Variants in PLS3 observed in about 807,000 individuals in gnomAD.
PLS3 encodes plastin-3.
PLS3 carries 11 observed loss-of-function variants against 46.5 expected under a neutral mutation model. The ratio of observed to expected loss-of-function variants is 0.24; its 90% confidence interval spans 0.15 to 0.39. The LOEUF (loss-of-function observed/expected upper bound fraction) is 0.39. PLS3 is among the 10% of genes least tolerant of loss of function. The pLI is 1.00. For missense variants in PLS3, 308 were observed against 461.8 expected (o/e 0.67, Z 3.05); for synonymous variants, 167 against 162.2 (o/e 1.03, Z -0.22).
intron 10 of PLS3, among the ~76,000 whole-genome samples, chrX:115,644,227 T>A (rs1321231724): frequency 9.0e-6 from 1 of 110,965 alleles, no homozygotes; most frequent in Non-Finnish European, 1.9e-5. Context: ...TAATATATAC[T>A]AATTTTTTTT....
At chrX:115,626,457 T>C (rs146705245) in intron 3 of PLS3, among the ~76,000 whole-genome samples, 1,748 of 109,449 alleles carry the variant, frequency 0.016, 37 homozygotes, top group African/African-American at 0.056. Flanking sequence ...GCTAATTTTG[T>C]GTTTTTAGTA....
intron 3 of PLS3, among the ~76,000 whole-genome samples, chrX:115,623,661 T>C (rs370452628): frequency 2.7e-5 from 3 of 112,030 alleles, no homozygotes; most frequent in South Asian, 7.4e-4. Flanking sequence ...AGGGATTCCT[T>C]TCAGTATATC....
intron 5 of PLS3, among the ~76,000 whole-genome samples, chrX:115,631,318 G>A (rs896873015): frequency 4.3e-4 from 47 of 109,266 alleles, no homozygotes; most frequent in African/African-American, 1.5e-3. Flanking sequence ...TGATCTGCCC[G>A]CCTCGGCCTC....
rs184458748 is a variant in PLS3, at chrX:115,620,894, A to T, written c.74-1352A>T. Among the ~76,000 whole-genome samples the T allele has an allele frequency of 6.2e-3, 670 of 107,445 alleles. 5 individuals are homozygous for T. Among genetic ancestry groups the T allele is most frequent in the African/African-American group, 0.022 (642 of 29,686 alleles). 93.3% of individuals were successfully genotyped at this position (107,445 alleles called of 115,157 possible). On this transcript the variant is annotated intron_variant, in intron 2 of 15. Coordinates refer to ENST00000355899, the MANE Select transcript of PLS3 (RefSeq NM_005032.7). ...TTTTTAGTGAAGACGGGGTTTTGCC[A>T]TATGGGCCAGGCTGATCTCGAACTC...
chrX:115,635,731 T>G (rs782629923), intron 7 of PLS3, among the ~76,000 whole-genome samples: 6 of 107,725 alleles, frequency 5.6e-5, no homozygotes, highest in Non-Finnish European at 1.2e-4. Flanking sequence ...GGACCATGCC[T>G]GTAATCCCAG....
intron 4 of PLS3, among the ~76,000 whole-genome samples, chrX:115,629,634 C>T (rs782587442): frequency 2.8e-4 from 31 of 111,477 alleles, no homozygotes; most frequent in African/African-American, 8.8e-4. Flanking sequence ...GACTGGTTAA[C>T]GTGTTCTATT....
chrX:115,620,706 C>CTTTTTTTTTTTTTTTTTTTTTT (rs1176959674), intron 2 of PLS3, among the ~76,000 whole-genome samples: 18 of 54,732 alleles, frequency 3.3e-4, no homozygotes, highest in African/African-American at 7.2e-4. Context: ...TTTTTCTTTT[C>CTTTTTTTTTTTTTTTTTTTTTT]TTTTTTTTTT....
At chrX:115,563,787 C>T (rs960217264) in intron 1 of PLS3, among the ~76,000 whole-genome samples, 6 of 111,829 alleles carry the variant, frequency 5.4e-5, no homozygotes, top group Non-Finnish European at 1.9e-5. Context: ...AGCCTTGTGG[C>T]ACAGATGAGC....
intron 5 of PLS3, among the ~76,000 whole-genome samples, chrX:115,631,009 T>C (rs1556639342): frequency 1.0e-5 from 1 of 97,456 alleles, no homozygotes; most frequent in Non-Finnish European, 2.0e-5. Flanking sequence ...GTATATAAAG[T>C]ATATATTATA....
At chrX:115,623,952 G>A (rs1031045507) in intron 3 of PLS3, among the ~76,000 whole-genome samples, 5 of 112,161 alleles carry the variant, frequency 4.5e-5, no homozygotes, top group African/African-American at 9.7e-5. Context: ...CTTGTCGGCC[G>A]GGCACGGTGG....
chrX:115,588,573 A>G (rs1030007069), intron 1 of PLS3, among the ~76,000 whole-genome samples: 63 of 112,113 alleles, frequency 5.6e-4, no homozygotes, highest in African/African-American at 2.0e-3. Flanking sequence ...CGTAGTCGCA[A>G]TTTTTGATGT....
intron 2 of PLS3, among the ~76,000 whole-genome samples, chrX:115,621,900 C>T (rs782106934): frequency 1.8e-5 from 2 of 111,687 alleles, no homozygotes; most frequent in South Asian, 3.7e-4. Context: ...TTGTTCTATA[C>T]CATGGAAGTG....
rs182188755 is a variant in PLS3 at position 115,612,199 on chromosome X, A to G, written c.73+1876A>G. ...GGATTTTTGTCATTATCAACCATAC[A>G]TTCAGAGGGCCTTTGTTGTGAAGAT... On this transcript the variant is annotated intron_variant, in intron 2 of 15. Coordinates refer to ENST00000355899, the MANE Select transcript of PLS3 (RefSeq NM_005032.7). Among the ~76,000 whole-genome samples the G allele has an allele frequency of 1.2e-3, 136 of 111,592 alleles. 1 individual carries two copies. Among genetic ancestry groups the G allele is most frequent in the African/African-American group, 4.3e-3 (132 of 30,855 alleles).
At chrX:115,597,369 G>A (rs186177528) in intron 1 of PLS3, among the ~76,000 whole-genome samples, 99 of 110,989 alleles carry the variant, frequency 8.9e-4, no homozygotes, top group African/African-American at 2.8e-3. Context: ...AGCAGTGTAC[G>A]TGCAGAACAG....
At chrX:115,634,194 G>C (rs944111882) in intron 6 of PLS3, 113 bp downstream of exon 6, 5 of 483,016 alleles carry the variant, frequency 1.0e-5, no homozygotes, top group Admixed American at 6.8e-5. Context: ...AAAAACTGTT[G>C]AGTGTGGGAT....
At chrX:115,566,013 A>T (rs782635706) in intron 1 of PLS3, among the ~76,000 whole-genome samples, 1 of 112,382 alleles carries the variant, frequency 8.9e-6, no homozygotes, top group East Asian at 2.8e-4. Context: ...TTCTGTGGTC[A>T]TATCTGGGTT....
At chrX:115,586,280 C>T (rs782318067) in intron 1 of PLS3, among the ~76,000 whole-genome samples, 21 of 108,090 alleles carry the variant, frequency 1.9e-4, no homozygotes, top group African/African-American at 5.7e-4. Flanking sequence ...CCACTGCGCC[C>T]GGCCAAGAAT....
chrX:115,597,455 G>A (rs6643869), intron 1 of PLS3, among the ~76,000 whole-genome samples: 33,337 of 110,794 alleles, frequency 0.3, 4,234 homozygotes, highest in South Asian at 0.46. Context: ...ATCCAAGGCC[G>A]AATTATAGTT....
chrX:115,566,513 C>G (rs1024468145), intron 1 of PLS3, among the ~76,000 whole-genome samples: 1 of 107,725 alleles, frequency 9.3e-6, no homozygotes, highest in African/African-American at 3.4e-5. Context: ...CTCAGCCTCC[C>G]GAGTAGCTGG....
Sources: allele counts gnomAD v4.1 joint callset (sites outside exome capture counted in the v4.1 genomes callset), GRCh38; gene constraint gnomAD v4.1.1; transcripts MANE v1.5; gene names NCBI Gene and HGNC (gene_info 2026-07-23, HGNC 2026-07-21).